Variants in RYR3 observed in about 807,000 individuals in gnomAD.
RYR3 encodes brain ryanodine receptor-calcium release channel.
A neutral mutation model predicts 584.3 loss-of-function variants in RYR3; 207 were observed. That is an observed-to-expected ratio of 0.35 (90% CI 0.32 to 0.40). The LOEUF (loss-of-function observed/expected upper bound fraction) is 0.40. Among genes scored for constraint, RYR3 ranks in the 10% least tolerant of loss-of-function variants. RYR3 has a pLI of 1.00. For synonymous variants in RYR3, 2,416 were observed against 2,248.5 expected (o/e 1.07, Z -2.11); for missense variants, 5,616 against 6,089.2 (o/e 0.92, Z 2.59).
At chr15:33,722,625 C>G in intron 43 of RYR3, 90 bp from the exon 44 acceptor site, 1 of 1,309,686 alleles carries the variant, frequency 7.6e-7, no homozygotes, top group Non-Finnish European at 1.1e-6. Flanking sequence ...ATAAGCTGAA[C>G]AAAATACTGT....
chr15:33,510,576 T>C (rs868394260), intron 3 of RYR3, among the ~76,000 whole-genome samples: 22 of 151,878 alleles, frequency 1.4e-4, no homozygotes, highest in African/African-American at 4.6e-4. Flanking sequence ...GCACTAAGCA[T>C]TGAGTACATA....
At chr15:33,729,235 C>T (rs2068729414) in intron 47 of RYR3, among the ~76,000 whole-genome samples, 1 of 152,146 alleles carries the variant, frequency 6.6e-6, no homozygotes, top group African/African-American at 2.4e-5. Flanking sequence ...CCAAATCCAA[C>T]TCCCTCAATT....
intron 1 of RYR3, among the ~76,000 whole-genome samples, chr15:33,384,209 T>C (rs1375969446): frequency 6.6e-6 from 1 of 152,096 alleles, no homozygotes; most frequent in African/African-American, 2.4e-5. Flanking sequence ...GAAAGATGCC[T>C]TGACTGTTTA....
chr15:33,700,213 G>A (rs966160560), intron 41 of RYR3, among the ~76,000 whole-genome samples: 3 of 152,200 alleles, frequency 2.0e-5, no homozygotes, highest in African/African-American at 7.2e-5. Flanking sequence ...CCAAGGTCAT[G>A]GATCGGATCT....
intron 64 of RYR3, among the ~76,000 whole-genome samples, chr15:33,779,516 T>C (rs1424516990): frequency 1.3e-5 from 2 of 152,192 alleles, no homozygotes; most frequent in Non-Finnish European, 1.5e-5. Context: ...GTGTGCTACC[T>C]ACTGTTCCCA....
chr15:33,662,055 C>T, intron 34 of RYR3, 98 bp from the exon 35 acceptor site: 1 of 1,024,624 alleles, frequency 9.8e-7, no homozygotes, highest in African/African-American at 1.6e-5. Context: ...ACCCCTCCAA[C>T]CTTCCACCCA....
At chr15:33,552,040 C>G (rs1256213368) in intron 10 of RYR3, among the ~76,000 whole-genome samples, 1 of 152,158 alleles carries the variant, frequency 6.6e-6, no homozygotes, top group Non-Finnish European at 1.5e-5. Context: ...TTATTTGAGC[C>G]TTCTACCCCC....
chr15:33,546,659 A>C (rs1042264182), intron 8 of RYR3, among the ~76,000 whole-genome samples: 1 of 152,206 alleles, frequency 6.6e-6, no homozygotes, highest in African/African-American at 2.4e-5. Context: ...ACATTGTTTT[A>C]TAAGTACCCT....
chr15:33,701,464 G>A (rs1314871014), intron 42 of RYR3, among the ~76,000 whole-genome samples: 1 of 152,224 alleles, frequency 6.6e-6, no homozygotes, highest in East Asian at 1.9e-4. Flanking sequence ...TCCTTTCCAT[G>A]TGTAACTGAG....
chr15:33,490,433 A>G (rs2050867754), intron 2 of RYR3, among the ~76,000 whole-genome samples: 1 of 152,190 alleles, frequency 6.6e-6, no homozygotes, highest in Admixed American at 6.5e-5. Context: ...AGATATTTCT[A>G]CTTCAAAATA....
At chr15:33,717,505 C>G (rs982504577) in intron 43 of RYR3, among the ~76,000 whole-genome samples, 1 of 152,124 alleles carries the variant, frequency 6.6e-6, no homozygotes, top group South Asian at 2.1e-4. Flanking sequence ...TAAAAGATAT[C>G]TGAAATCTAT....
chr15:33,856,750 C>T lies in RYR3; in HGVS notation c.14008-1030C>T, dbSNP rs796465030. 1.8e-4 allele frequency: 28 copies of T among 152,746 alleles called. 1 individual carries two copies. Among genetic ancestry groups the T allele is most frequent in the African/African-American group, 6.3e-4 (26 of 41,552 alleles). The allele number at this position is 152,746 out of a possible 1,614,324, so 9.5% of individuals were successfully genotyped here. ...CTCAGCTTACTGCAACCTCCGACTC[C>T]TGGGTTCAAGCGATTCTCCTGCCTC... On this transcript the variant is annotated intron_variant, in intron 98 of 103. Transcript: ENST00000634891.
chr15:33,768,792 C>G, intron 61 of RYR3, 85 bp downstream of exon 61: 1 of 1,328,412 alleles, frequency 7.5e-7, no homozygotes, highest in Non-Finnish European at 1.1e-6. Flanking sequence ...CTTCCTCAGA[C>G]AACCCGGGCC....
At chr15:33,854,020 C>T (rs1432756951) in intron 96 of RYR3, among the ~76,000 whole-genome samples, 1 of 151,924 alleles carries the variant, frequency 6.6e-6, no homozygotes, top group Non-Finnish European at 1.5e-5. Context: ...AGTGAAACCC[C>T]GTCTCTACTA....
chr15:33,746,788 AT>A (rs1352083275), intron 53 of RYR3, among the ~76,000 whole-genome samples: 1 of 148,638 alleles, frequency 6.7e-6, no homozygotes, highest in African/African-American at 2.5e-5. Context: ...GACAAAAATA[AT>A]TTCTTTCTTT....
chr15:33,827,073 G>A, intron 84 of RYR3, 126 bp from the exon 85 acceptor site: 1 of 826,738 alleles, frequency 1.2e-6, no homozygotes, highest in Non-Finnish European at 2.0e-6. Context: ...GATCTGCCAT[G>A]ACCCAAACAT....
chr15:33,474,085 T>G (rs1452464086), intron 2 of RYR3, among the ~76,000 whole-genome samples: 1 of 152,176 alleles, frequency 6.6e-6, no homozygotes, highest in African/African-American at 2.4e-5. Context: ...CAGCAGAACT[T>G]TTCTTTCTCC....
intron 1 of RYR3, among the ~76,000 whole-genome samples, chr15:33,330,529 C>T (rs1211370993): frequency 4.6e-5 from 7 of 152,144 alleles, no homozygotes; most frequent in Admixed American, 2.0e-4. Flanking sequence ...TCTTCCTCTC[C>T]CCCAAAGTTT....
intron 8 of RYR3, among the ~76,000 whole-genome samples, chr15:33,546,752 C>G (rs1409508117): frequency 6.6e-6 from 1 of 152,130 alleles, no homozygotes; most frequent in Non-Finnish European, 1.5e-5. Flanking sequence ...CCAGGTCTGT[C>G]TTAACTTCCA....
Sources: gnomAD v4.1 joint callset for allele counts (sites outside exome capture counted in the v4.1 genomes callset) on GRCh38, gnomAD v4.1.1 for gene constraint, MANE v1.5 for transcripts, NCBI Gene and HGNC (gene_info 2026-07-23, HGNC 2026-07-21) for gene names.